CCK: variants seen among roughly 807,000 people sequenced by gnomAD.
The protein encoded by CCK is cholecystokinin.
In CCK, 11 loss-of-function variants were observed where a neutral mutation model predicts 10.1. The ratio of observed to expected loss-of-function variants is 1.09; its 90% CI spans 0.69 to 1.81. The LOEUF (loss-of-function observed/expected upper bound fraction) is 1.81, where lower values mean the gene tolerates loss of function less well. Among genes scored for constraint, CCK ranks in the 40% most tolerant of loss-of-function variants. The pLI is 0.00. For synonymous variants in CCK, 83 were observed against 71.9 expected, an observed-to-expected ratio of 1.15 and a Z score of -0.78; for missense variants, 137 against 159.9, an observed-to-expected ratio of 0.86 and a Z score of 0.77.
At chr3:42,261,213 C>A (rs1003198180) in intron 4 of CCK, among the ~76,000 whole-genome samples, 5 of 152,122 alleles carry the variant, frequency 3.3e-5, no homozygotes, top group African/African-American at 1.2e-4. Context: ...TCAAAGAATG[C>A]ATTGTCTTGT....
intron 4 of CCK, among the ~76,000 whole-genome samples, chr3:42,262,363 A>G (rs765869842): frequency 2.6e-5 from 4 of 151,846 alleles, no homozygotes; most frequent in African/African-American, 7.3e-5. Flanking sequence ...TGGGATTACA[A>G]GCATGTGCCA....
At chr3:42,261,819 A>C (rs10865918) in intron 4 of CCK, among the ~76,000 whole-genome samples, 43,905 of 151,920 alleles carry the variant, frequency 0.29, 7,683 homozygotes, top group Non-Finnish European at 0.41. Flanking sequence ...GTATCTGGGG[A>C]CAGATACTAA....
rs1711157599 is a variant in CCK at position 42,257,941 on chromosome 3, A to G, written c.*157T>C. 2.6e-6 allele frequency: 2 copies of G among 755,066 alleles called. No individual in the cohort carries two copies. The highest frequency in any genetic ancestry group is 1.8e-5 in the African/African-American group (1 of 56,620). The allele number at this position is 755,066 out of a possible 1,614,324, so 46.8% of individuals were successfully genotyped here. On this transcript the variant is annotated 3_prime_UTR_variant, in exon 5 of 5. Transcript: ENST00000396169. ...GGTGAGGTGTGTGGTTGCACTGGAC[A>G]ATCTTACAGACACATTTTTCACATT...
chr3:42,263,571 C>A lies in CCK; in HGVS notation c.60G>T (p.Thr20=). ...CGGGATCTGCGGGAGGCACCGGCTG[C>A]GTCAGGGCGCCAGCCGCCAGTACCG... ...LMAVLAAGAL[T]QPVPPADPAG... The change falls in exon 4 of 5, where the codon ACG becomes ACT. Residue 20 remains threonine, a synonymous_variant. Transcript: ENST00000396169. 1 of 1,602,258 alleles carries A rather than the reference C, an allele frequency of 6.2e-7. No individual in the cohort carries two copies. The highest frequency in any genetic ancestry group is 8.5e-7 in the Non-Finnish European group (1 of 1,175,132).
At chr3:42,263,756 C>T (rs937915285) in intron 3 of CCK, 124 bp from the exon 4 acceptor site, 8 of 1,410,492 alleles carry the variant, frequency 5.7e-6, no homozygotes, top group Admixed American at 6.1e-5. Flanking sequence ...GCCAGGCCGC[C>T]GCAAGCACGA....
intron 4 of CCK, 59 bp from the exon 5 acceptor site, chr3:42,258,290 A>G: frequency 6.4e-7 from 1 of 1,573,598 alleles, no homozygotes; most frequent in South Asian, 1.2e-5. Context: ...TCTCTAGTTC[A>G]ATTTGGGAAG....
intron 4 of CCK, among the ~76,000 whole-genome samples, chr3:42,258,448 C>T (rs140558008): frequency 2.2e-4 from 33 of 152,296 alleles, no homozygotes; most frequent in Admixed American, 5.9e-4. Context: ...AATATATTTA[C>T]AAGTTAGGGG....
intron 4 of CCK, 180 bp downstream of exon 4, chr3:42,263,237 A>C: frequency 1.1e-6 from 1 of 889,720 alleles, no homozygotes; most frequent in Non-Finnish European, 1.8e-6. Flanking sequence ...GGTTCCCCTT[A>C]CTTATAAATT....
Position 42,258,189 on chromosome 3 carries a change from A to G in CCK, c.257T>C (p.Leu86Pro). 2 of 1,614,186 alleles carry G rather than the reference A, an allele frequency of 1.2e-6. No individual in the cohort carries two copies. The highest frequency in any genetic ancestry group is 8.5e-7 in the Non-Finnish European group (1 of 1,180,028). Reference sequence around the variant, plus strand: ...GTCACTTATCCTGTGGCTGGGGTCCAGGTTCTGCAGGTTCTTAACGATGGA... The same window carrying G: ...GTCACTTATCCTGTGGCTGGGGTCCGGGTTCTGCAGGTTCTTAACGATGGA... The part of the protein sequence containing the change: ...RMSIVKNLQN[L>P]DPSHRISDRD... Residue 86 changes from leucine to proline, a missense_variant, in exon 5 of 5, where the codon CTG (leucine) becomes CCG (proline). Transcript: ENST00000396169.
In CCK at chr3:42,265,680, G is replaced by C. The variant is rs950018016; in HGVS notation, c.-383+4C>G. On this transcript the variant is annotated splice_donor_region_variant and intron_variant, in intron 1 of 4. Transcript: ENST00000396169. Reference sequence around the variant, plus strand: ...CCCACACACTCACACCCCCAGGACAGTACCTTCCAGAACTCAGCTGCGCAG... The same window carrying C: ...CCCACACACTCACACCCCCAGGACACTACCTTCCAGAACTCAGCTGCGCAG... 6.6e-6 allele frequency: 1 copy of C among 152,330 alleles called. No homozygotes were observed. The highest frequency in any genetic ancestry group is 1.5e-5 in the Non-Finnish European group (1 of 68,176). The allele number at this position is 152,330 out of a possible 1,614,324, so 9.4% of individuals were successfully genotyped here.
At chr3:42,260,013 G>A (rs1296962867) in intron 4 of CCK, among the ~76,000 whole-genome samples, 1 of 152,164 alleles carries the variant, frequency 6.6e-6, no homozygotes, top group Non-Finnish European at 1.5e-5. Context: ...GCTGAGTAGA[G>A]TCAGACTATG....
At chr3:42,262,559 C>T (rs1339079467) in intron 4 of CCK, among the ~76,000 whole-genome samples, 1 of 152,160 alleles carries the variant, frequency 6.6e-6, no homozygotes, top group African/African-American at 2.4e-5. Flanking sequence ...TTGTACTGTT[C>T]AGCACACTGC....
At chr3:42,260,464 T>A (rs1330712529) in intron 4 of CCK, among the ~76,000 whole-genome samples, 1 of 152,190 alleles carries the variant, frequency 6.6e-6, no homozygotes, top group Non-Finnish European at 1.5e-5. Flanking sequence ...GGGGGCACCA[T>A]GTTCAGTCAT....
intron 3 of CCK, chr3:42,263,929 T>C (rs1711253219): frequency 2.7e-6 from 1 of 376,816 alleles, no homozygotes; most frequent in African/African-American, 2.1e-5. Context: ...TTTGAGGAAG[T>C]GTTTGCAGAG....
At chr3:42,263,287 G>T (rs1372934750) in intron 4 of CCK, 130 bp downstream of exon 4, 4 of 1,412,894 alleles carry the variant, frequency 2.8e-6, no homozygotes, top group East Asian at 2.3e-5. Flanking sequence ...ACAAAGGACC[G>T]CCAGAAATCA....
chr3:42,262,078 A>C (rs929623701), intron 4 of CCK, among the ~76,000 whole-genome samples: 1 of 152,106 alleles, frequency 6.6e-6, no homozygotes, highest in Admixed American at 6.5e-5. Flanking sequence ...TGCAGAGCCA[A>C]AACTCTTCAT....
intron 4 of CCK, 92 bp from the exon 5 acceptor site, chr3:42,258,323 C>G (rs896089342): frequency 5.9e-5 from 83 of 1,395,582 alleles, no homozygotes; most frequent in Non-Finnish European, 7.2e-5. Context: ...AAAAGCCAGA[C>G]GCAATATAAC....
At chr3:42,264,171 A>G (rs930125866) in intron 3 of CCK, among the ~76,000 whole-genome samples, 1 of 152,200 alleles carries the variant, frequency 6.6e-6, no homozygotes, top group African/African-American at 2.4e-5. Flanking sequence ...GTTTTTCTCA[A>G]AGTGTACGTG....
At chr3:42,261,676 C>T (rs1409336861) in intron 4 of CCK, among the ~76,000 whole-genome samples, 1 of 150,944 alleles carries the variant, frequency 6.6e-6, no homozygotes, top group Non-Finnish European at 1.5e-5. Context: ...ACATTTCAGG[C>T]CTTTTTGCAG....
Sources: gnomAD v4.1 joint callset for allele counts (sites outside exome capture counted in the v4.1 genomes callset) on GRCh38, gnomAD v4.1.1 for gene constraint, MANE v1.5 for transcripts, NCBI Gene and HGNC (gene_info 2026-07-23, HGNC 2026-07-21) for gene names.